Variants in BMP1 observed in about 807,000 individuals in gnomAD.
BMP1 encodes bone morphogenetic protein 1.
A neutral mutation model predicts 116.8 loss-of-function variants in BMP1; 63 were observed. That is an observed-to-expected ratio of 0.54 (90% CI 0.44 to 0.67). BMP1 has a LOEUF of 0.67. Among genes scored for constraint, BMP1 ranks in the 30% least tolerant of loss-of-function variants. The pLI is 0.00. For missense variants in BMP1, 1,183 were observed against 1,358.9 expected (o/e 0.87, Z 2.04); for synonymous variants, 536 against 533.4 (o/e 1.00, Z -0.07).
At position 22,194,668 on chromosome 8, in the gene BMP1, A is replaced by G. The variant is rs1270529848; in HGVS notation, c.1444-56A>G. On this transcript the variant is annotated intron_variant, in intron 11 of 19. Transcript: ENST00000306385. The surrounding 1 kb of genome is among the most constrained non-coding windows in gnomAD (Gnocchi z 4.5). ...GACAGCTGCCTCTCTTTGGGCTCCC[A>G]GGGGTGGGTCTCTGGCAGCCAGAGC... is the stretch of plus-strand genomic sequence containing the variant. 3 of 1,596,408 alleles carry G rather than the reference A, an allele frequency of 1.9e-6. No homozygotes were observed. Among genetic ancestry groups the G allele is most frequent in the Non-Finnish European group, 2.6e-6 (3 of 1,169,570 alleles).
Position 22,196,734 on chromosome 8 carries a change from G to A in BMP1, c.1820G>A (p.Trp607Ter). Reference sequence around the variant, plus strand: ...AACGGCTCCATCACCAGCCCGGGCTGGCCCAAGGAGTACCCCCCCAACAAG... The same window carrying A: ...AACGGCTCCATCACCAGCCCGGGCTAGCCCAAGGAGTACCCCCCCAACAAG... ...KLNGSITSPG[W>*]PKEYPPNKNC... Residue 607 changes from tryptophan (W) to a stop codon, truncating the protein, a stop_gained, in exon 14 of 20, where the codon TGG becomes TAG. Transcript: ENST00000306385. LOFTEE classifies it high-confidence loss of function. 1 of 1,614,082 alleles carries A rather than the reference G, an allele frequency of 6.2e-7. No individual in the cohort carries two copies. Among genetic ancestry groups the A allele is most frequent in the Non-Finnish European group, 8.5e-7 (1 of 1,180,012 alleles).
intron 2 of BMP1, among the ~76,000 whole-genome samples, chr8:22,175,468 T>A (rs188995277): frequency 3.3e-5 from 5 of 152,386 alleles, no homozygotes; most frequent in Non-Finnish European, 2.9e-5. Context: ...ATAGTTACTC[T>A]GTACAGTCAC....
At chr8:22,196,413 C>T in intron 13 of BMP1, 1 of 600,486 alleles carries the variant, frequency 1.7e-6, no homozygotes, top group Non-Finnish European at 3.0e-6. Context: ...TCTTGGAGGA[C>T]CTTGGCCTGT....
At chr8:22,203,551 C>T (rs540694643) in intron 16 of BMP1, among the ~76,000 whole-genome samples, 64 of 152,158 alleles carry the variant, frequency 4.2e-4, no homozygotes, top group African/African-American at 1.4e-3. Flanking sequence ...AGCAAGACTC[C>T]GTTTCAAAAA....
At chr8:22,198,982 C>T in intron 15 of BMP1, 1 of 1,291,168 alleles carries the variant, frequency 7.7e-7, no homozygotes, top group African/African-American at 1.5e-5. Context: ...AAACCATTAC[C>T]TGCTTACTCT....
At chr8:22,195,664 TAGACAGG>T in intron 13 of BMP1, 77 bp downstream of exon 13, 1 of 1,459,852 alleles carries the variant, frequency 6.9e-7, no homozygotes. Context: ...TTTTTTTTTT[TAGACAGG>T]CTTTTGCTCT....
In BMP1 at chr8:22,206,925, A is replaced by G. The variant is rs1829370147; in HGVS notation, c.2305A>G (p.Ser769Gly). The G allele has an allele frequency of 1.2e-6, 2 of 1,614,160 alleles. No individual in the cohort carries two copies. Among genetic ancestry groups the G allele is most frequent in the Middle Eastern group, 1.7e-4 (1 of 6,060 alleles). ...CCCCAACTGGCCTGACAAGTATCCC[A>G]GCAAGAAGGAGTGCACGTGGGCCAT... ...TSPNWPDKYP[S>G]KKECTWAISS... is the part of the protein sequence containing the mutation. The change falls in exon 17 of 20, where the codon AGC becomes GGC. Residue 769 changes from serine to glycine, a missense_variant. Coordinates refer to ENST00000306385, the MANE Select transcript of BMP1 (RefSeq NM_006129.5).
chr8:22,173,450 TG>T, intron 1 of BMP1, 151 bp from the exon 2 acceptor site: 1 of 552,844 alleles, frequency 1.8e-6, no homozygotes, highest in Non-Finnish European at 3.3e-6. Context: ...GATCCCTAAC[TG>T]CCCTTCTCCT....
intron 15 of BMP1, 142 bp downstream of exon 15, chr8:22,197,562 A>G: frequency 1.1e-6 from 1 of 880,190 alleles, no homozygotes. Flanking sequence ...CCACCACTTC[A>G]CTCTCCCATC....
intron 15 of BMP1, 194 bp from the exon 16 acceptor site, chr8:22,201,609 C>G (rs1489718089): frequency 1.5e-6 from 2 of 1,360,842 alleles, no homozygotes; most frequent in African/African-American, 2.9e-5. Flanking sequence ...CTCAGCTGGT[C>G]CTGCTGGATG....
chr8:22,181,396 T>C (rs553917385), intron 8 of BMP1, among the ~76,000 whole-genome samples: 58 of 152,292 alleles, frequency 3.8e-4, no homozygotes, highest in African/African-American at 1.3e-3. Context: ...TCGTTACTAA[T>C]TGGTGGCAAG....
intron 5 of BMP1, 40 bp downstream of exon 5, chr8:22,177,179 C>A (rs770823194): frequency 1.6e-5 from 24 of 1,521,518 alleles, no homozygotes; most frequent in Non-Finnish European, 2.0e-5. Flanking sequence ...GTGGGCGGCT[C>A]CCGCCCCAGC....
chr8:22,199,331 G>T, intron 15 of BMP1: 1 of 1,350,292 alleles, frequency 7.4e-7, no homozygotes, highest in Non-Finnish European at 9.9e-7. Context: ...AGAAGAAAGA[G>T]CCTGAAGACC....
At chr8:22,209,800 G>A (rs1448684771) in intron 19 of BMP1, 105 bp downstream of exon 19, 27 of 1,318,886 alleles carry the variant, frequency 2.0e-5, no homozygotes, top group African/African-American at 7.4e-5. Context: ...CACAGGCCCC[G>A]GAAGTTGAGT....
rs117765859 is a variant in BMP1, at chr8:22,190,216, C to T, written c.1078-1833C>T. On this transcript the variant is annotated intron_variant, in intron 8 of 19. Transcript: ENST00000306385. ...TTGGGATTACAGGAGTGAACTACCG[C>T]GCTTGGCCTGTAGTGTGCTTTTCAA... Among the ~76,000 whole-genome samples the T allele has an allele frequency of 6.7e-3, 1,013 of 152,310 alleles. 14 individuals carry two copies. The highest frequency in any genetic ancestry group is 0.061 in the Middle Eastern group (18 of 294).
chr8:22,172,591 T>C (rs571600887), intron 1 of BMP1, among the ~76,000 whole-genome samples: 1 of 150,374 alleles, frequency 6.7e-6, no homozygotes, highest in African/African-American at 2.5e-5. Flanking sequence ...TGAAAAATGG[T>C]ACAATTTTAT....
chr8:22,173,790 T>G, intron 2 of BMP1, 75 bp downstream of exon 2: 1 of 1,242,222 alleles, frequency 8.1e-7, no homozygotes, highest in Non-Finnish European at 1.1e-6. Context: ...AATCTCCCTG[T>G]TCCCAGCCAG....
rs530977147 is a variant in BMP1 at position 22,207,587 on chromosome 8, A to G, written c.2575+71A>G. On this transcript the variant is annotated intron_variant, in intron 18 of 19. Coordinates refer to ENST00000306385, the MANE Select transcript of BMP1 (RefSeq NM_006129.5). Reference sequence around the variant, plus strand: ...GACTGGGGTAGAGTCGGGGGTTTCAATGCGGGTATGAAGGTACAGAGGGAC... The same window carrying G: ...GACTGGGGTAGAGTCGGGGGTTTCAGTGCGGGTATGAAGGTACAGAGGGAC... 513 of 1,538,222 alleles carry G rather than the reference A, an allele frequency of 3.3e-4. 2 individuals are homozygous for G. Among genetic ancestry groups the G allele is most frequent in the Admixed American group, 4.6e-4 (26 of 56,208 alleles).
At position 22,196,732 on chromosome 8, in the gene BMP1, C is replaced by G; in HGVS notation, c.1818C>G (p.Gly606=). 1 of 1,614,170 alleles carries G rather than the reference C, an allele frequency of 6.2e-7. No individual in the cohort carries two copies. The change falls in exon 14 of 20, where the codon GGC becomes GGG. Residue 606 remains glycine, a synonymous_variant. Transcript: ENST00000306385. ...TKLNGSITSP[G]WPKEYPPNKN... is the part of the protein sequence containing the mutation. ...TCAACGGCTCCATCACCAGCCCGGG[C>G]TGGCCCAAGGAGTACCCCCCCAACA...
Sources: gnomAD v4.1 joint callset for allele counts (sites outside exome capture counted in the v4.1 genomes callset) on GRCh38, gnomAD v4.1.1 for gene constraint, Gnocchi (gnomAD v3.1) non-coding constraint, MANE v1.5 for transcripts, NCBI Gene and HGNC (gene_info 2026-07-23, HGNC 2026-07-21) for gene names.